Variants in CHRDL1 observed in about 807,000 individuals in gnomAD.
CHRDL1 encodes the protein chordin-like protein 1.
A neutral mutation model predicts 40.9 loss-of-function variants in CHRDL1; 19 were observed. The observed-to-expected ratio is 0.46, with a 90% CI of 0.32 to 0.68. CHRDL1 has a LOEUF of 0.68. CHRDL1 is among the 30% of genes least tolerant of loss of function. CHRDL1 has a pLI of 0.03. For synonymous variants in CHRDL1, 136 were observed against 123.4 expected, an observed-to-expected ratio of 1.10 and a Z score of -0.68; for missense variants, 329 against 352.1, an observed-to-expected ratio of 0.93 and a Z score of 0.53.
At chrX:110,793,587 C>A (rs2090136748) in intron 1 of CHRDL1, among the ~76,000 whole-genome samples, 5 of 111,995 alleles carry the variant, frequency 4.5e-5, no homozygotes, top group Admixed American at 3.8e-4. Flanking sequence ...TTATTCGAAA[C>A]AAATCATTTT....
intron 2 of CHRDL1, among the ~76,000 whole-genome samples, chrX:110,776,456 A>C (rs58362602): frequency 9.0e-6 from 1 of 111,570 alleles, no homozygotes; most frequent in Admixed American, 9.5e-5. Context: ...TTTGTCTGAG[A>C]AAGTCTTTAC....
chrX:110,703,169 G>A (rs981129881), intron 6 of CHRDL1, among the ~76,000 whole-genome samples: 4 of 111,558 alleles, frequency 3.6e-5, no homozygotes, highest in African/African-American at 1.3e-4. Context: ...TACTAAGTCA[G>A]AAACTCAGGA....
At chrX:110,771,243 T>A (rs1187669876) in intron 2 of CHRDL1, among the ~76,000 whole-genome samples, 1 of 110,792 alleles carries the variant, frequency 9.0e-6, no homozygotes, top group African/African-American at 3.3e-5. Flanking sequence ...AATTCCAGAA[T>A]CAGATGGCTC....
At chrX:110,750,049 C>T (rs762652559) in intron 4 of CHRDL1, among the ~76,000 whole-genome samples, 4 of 111,465 alleles carry the variant, frequency 3.6e-5, no homozygotes, top group African/African-American at 1.3e-4. Context: ...TCCTTAGGCC[C>T]TTCCTTCAAC....
chrX:110,780,663 T>A (rs1396925617), intron 2 of CHRDL1, among the ~76,000 whole-genome samples: 4 of 111,605 alleles, frequency 3.6e-5, no homozygotes. Context: ...AATTCTTGAT[T>A]TACATTACCA....
intron 2 of CHRDL1, among the ~76,000 whole-genome samples, chrX:110,763,608 T>C (rs7471635): frequency 5.7e-5 from 6 of 105,397 alleles, no homozygotes; most frequent in African/African-American, 1.5e-4. Context: ...ATCTATCTAT[T>C]TATCTATATG....
chrX:110,692,477 T>A (rs1173063654), intron 8 of CHRDL1, among the ~76,000 whole-genome samples: 1 of 111,711 alleles, frequency 9.0e-6, no homozygotes, highest in Non-Finnish European at 1.9e-5. Context: ...GGGATGAGCC[T>A]CTGCCCTGAA....
At chrX:110,708,539 T>C (rs1179955908) in intron 6 of CHRDL1, among the ~76,000 whole-genome samples, 2 of 111,876 alleles carry the variant, frequency 1.8e-5, no homozygotes, top group African/African-American at 3.3e-5. Context: ...GCTGTCAATA[T>C]AAGATCTTAG....
At chrX:110,727,275 G>A (rs776282183) in intron 4 of CHRDL1, among the ~76,000 whole-genome samples, 1 of 111,809 alleles carries the variant, frequency 8.9e-6, no homozygotes, top group East Asian at 2.8e-4. Context: ...ACTAGGTTCT[G>A]TGCTGCTTTA....
chrX:110,770,040 A>C (rs1160207081), intron 2 of CHRDL1, among the ~76,000 whole-genome samples: 1 of 112,300 alleles, frequency 8.9e-6, no homozygotes, highest in Admixed American at 9.4e-5. Context: ...TATTTTTCAA[A>C]CCTTTCTTTA....
chrX:110,781,382 C>T (rs1262346260), intron 2 of CHRDL1, among the ~76,000 whole-genome samples: 1 of 111,236 alleles, frequency 9.0e-6, no homozygotes, highest in Non-Finnish European at 1.9e-5. Context: ...TCTGGGGCCA[C>T]TAAAACTTGA....
In CHRDL1 at chrX:110,731,834, G is replaced by A. The variant is rs144159331; in HGVS notation, c.302-10304C>T. ...AAGGGGAGAATGGGAGTGACTACTA[G>A]TAGGTATGGGATTCTTTTAGAGATG... On this transcript the variant is annotated intron_variant, in intron 4 of 11. Coordinates refer to ENST00000372042, the MANE Select transcript of CHRDL1 (RefSeq NM_001143981.2). 5.8e-4 allele frequency among the ~76,000 whole-genome samples: 64 copies of A among 111,156 alleles called. No homozygotes were observed. In the East Asian group the frequency reaches 0.013, roughly 22 times the overall value.
intron 4 of CHRDL1, among the ~76,000 whole-genome samples, chrX:110,727,237 A>G (rs2071074941): frequency 1.8e-5 from 2 of 111,956 alleles, no homozygotes; most frequent in Non-Finnish European, 1.9e-5. Flanking sequence ...CCACAGGCCA[A>G]CTAGGCATGT....
At chrX:110,786,726 C>T (rs997690674) in intron 2 of CHRDL1, among the ~76,000 whole-genome samples, 4 of 112,257 alleles carry the variant, frequency 3.6e-5, no homozygotes, top group African/African-American at 9.7e-5. Flanking sequence ...TAGACATAGA[C>T]GCACATACTT....
chrX:110,718,125 A>G (rs186358642), intron 6 of CHRDL1, among the ~76,000 whole-genome samples: 132 of 112,006 alleles, frequency 1.2e-3, no homozygotes, highest in African/African-American at 4.0e-3. Flanking sequence ...CCTCACTTTA[A>G]AGATTGGTAG....
chrX:110,689,983 ATC>A (rs1196265449), intron 8 of CHRDL1, among the ~76,000 whole-genome samples: 1 of 62,912 alleles, frequency 1.6e-5, no homozygotes, highest in African/African-American at 1.3e-4. Flanking sequence ...ATATCTATAT[ATC>A]TATATATATC....
In CHRDL1 at chrX:110,688,767, T is replaced by A; in HGVS notation, c.815A>T (p.Glu272Val). Residue 272 changes from glutamate (E) to valine (V), a missense_variant, in exon 9 of 12, where the codon GAG becomes GTG. Physicochemically the swap from Glu to Val is moderately radical, Grantham distance 121. Coordinates refer to ENST00000372042, the MANE Select transcript of CHRDL1 (RefSeq NM_001143981.2). ...VSNGKTYSHG[E>V]SWHPNLRAFG... ...TGCCCGGAGGTTTGGGTGCCAGGAC[T>A]CGCCATGAGAATAGGTCTTTCCATT... The A allele has an allele frequency of 8.3e-7, 1 of 1,208,623 alleles. No homozygotes were observed. The highest frequency in any genetic ancestry group is 1.1e-6 in the Non-Finnish European group (1 of 893,630).
At chrX:110,705,354 TAC>T (rs1244511048) in intron 6 of CHRDL1, among the ~76,000 whole-genome samples, 1 of 80,369 alleles carries the variant, frequency 1.2e-5, no homozygotes, top group African/African-American at 7.8e-5. Flanking sequence ...TATATATATA[TAC>T]ACACACACAT....
At chrX:110,723,433 A>G (rs1437894608) in intron 4 of CHRDL1, among the ~76,000 whole-genome samples, 3 of 111,855 alleles carry the variant, frequency 2.7e-5, no homozygotes, top group African/African-American at 9.8e-5. Flanking sequence ...TTACATACAT[A>G]ATCTCATTGG....
Sources: allele counts gnomAD v4.1 joint callset (sites outside exome capture counted in the v4.1 genomes callset), GRCh38; gene constraint gnomAD v4.1.1; transcripts MANE v1.5; gene names NCBI Gene and HGNC (gene_info 2026-07-23, HGNC 2026-07-21).